HYCC1: variants seen among roughly 807,000 people sequenced by gnomAD.
The protein encoded by HYCC1 is hyccin.
At chr7:22,988,610 T>A in the HYCC1 span, among the ~76,000 whole-genome samples, 38 of 152,322 alleles carry the variant, frequency 2.5e-4, no homozygotes, top group African/African-American at 7.9e-4. Context: ...GATATATGCA[T>A]GCATACATGT....
chr7:22,911,495 C>G, the HYCC1 span, among the ~76,000 whole-genome samples: 1 of 152,290 alleles, frequency 6.6e-6, no homozygotes, highest in African/African-American at 2.4e-5. Context: ...CGCAGTGGCT[C>G]ACGCCTGTAA....
the HYCC1 span, among the ~76,000 whole-genome samples, chr7:22,926,298 C>T: frequency 1.3e-5 from 2 of 151,802 alleles, no homozygotes; most frequent in East Asian, 1.9e-4. Flanking sequence ...AACCAGCTAA[C>T]ATCATAATGA....
chr7:22,935,823 A>G, the HYCC1 span: 3 of 151,114 alleles, frequency 2.0e-5, no homozygotes, highest in Admixed American at 1.3e-4. Context: ...TTTTTTTTGT[A>G]TTTTTAGTAG....
chr7:22,940,531 T>C, the HYCC1 span: 2 of 152,068 alleles, frequency 1.3e-5, no homozygotes, highest in African/African-American at 4.8e-5. Flanking sequence ...GGATTACAGG[T>C]GTGAGCCACC....
the HYCC1 span, chr7:22,964,413 A>C: frequency 6.5e-7 from 1 of 1,529,924 alleles, no homozygotes; most frequent in Non-Finnish European, 9.1e-7. Context: ...TGAGATACTT[A>C]CAAGGCAAAA....
At chr7:22,900,491 A>G in the HYCC1 span, among the ~76,000 whole-genome samples, 1 of 152,246 alleles carries the variant, frequency 6.6e-6, no homozygotes, top group African/African-American at 2.4e-5. Flanking sequence ...ATTTTAGCCA[A>G]TGAGATGTAA....
At chr7:22,967,122 G>A in the HYCC1 span, among the ~76,000 whole-genome samples, 2 of 152,148 alleles carry the variant, frequency 1.3e-5, no homozygotes, top group South Asian at 4.1e-4. Context: ...ATTAAAGATT[G>A]ATACTGTGTC....
At chr7:22,964,580 T>C in the HYCC1 span, 3 of 1,054,938 alleles carry the variant, frequency 2.8e-6, no homozygotes, top group Non-Finnish European at 4.4e-6. Context: ...AAATTTTAGG[T>C]GATTTATTTT....
At chr7:22,963,602 T>G in the HYCC1 span, among the ~76,000 whole-genome samples, 1 of 152,112 alleles carries the variant, frequency 6.6e-6, no homozygotes, top group Non-Finnish European at 1.5e-5. Context: ...GTCAGAAAAT[T>G]TTTTCTTAAT....
At chr7:22,914,484 A>G in the HYCC1 span, among the ~76,000 whole-genome samples, 4 of 151,814 alleles carry the variant, frequency 2.6e-5, no homozygotes, top group Non-Finnish European at 5.9e-5. Flanking sequence ...TTTTTTCTGC[A>G]ACACCACTTG....
At chr7:22,984,820 A>G in the HYCC1 span, among the ~76,000 whole-genome samples, 1 of 152,178 alleles carries the variant, frequency 6.6e-6, no homozygotes, top group Non-Finnish European at 1.5e-5. Flanking sequence ...GCTAGAGAAA[A>G]AGATATCCAC....
At chr7:22,940,290 T>G in the HYCC1 span, 1 of 143,090 alleles carries the variant, frequency 7.0e-6, no homozygotes, top group East Asian at 2.1e-4. Context: ...CTCACTCTGT[T>G]GCCCAGGCTG....
chr7:22,951,152 T>G, the HYCC1 span, among the ~76,000 whole-genome samples: 26 of 152,090 alleles, frequency 1.7e-4, no homozygotes, highest in African/African-American at 6.0e-4. Context: ...TTGCAAATAT[T>G]ATTAAAACTG....
the HYCC1 span, among the ~76,000 whole-genome samples, chr7:22,931,255 GAA>G: frequency 8.2e-4 from 85 of 103,792 alleles, no homozygotes; most frequent in African/African-American, 1.7e-3. Flanking sequence ...CAAAAAAAAA[GAA>G]AAAAAAAAAA....
chr7:22,933,229 T>C, the HYCC1 span, among the ~76,000 whole-genome samples: 3 of 152,310 alleles, frequency 2.0e-5, no homozygotes, highest in South Asian at 6.2e-4. Flanking sequence ...GATAAATCTT[T>C]ATCTTCTACC....
the HYCC1 span, among the ~76,000 whole-genome samples, chr7:22,913,167 C>G: frequency 6.6e-6 from 1 of 151,876 alleles, no homozygotes; most frequent in Non-Finnish European, 1.5e-5. Flanking sequence ...CAGACTAAAC[C>G]TAGTCTCAAA....
At chr7:23,003,996 G>A in the HYCC1 span, among the ~76,000 whole-genome samples, 1 of 152,178 alleles carries the variant, frequency 6.6e-6, no homozygotes, top group African/African-American at 2.4e-5. Flanking sequence ...AGTAACCAAA[G>A]CAGAAATAAA....
At chr7:22,914,510 T>C in the HYCC1 span, among the ~76,000 whole-genome samples, 1 of 152,124 alleles carries the variant, frequency 6.6e-6, no homozygotes, top group Non-Finnish European at 1.5e-5. Context: ...GATACAAACT[T>C]GATAATGGTT....
the HYCC1 span, among the ~76,000 whole-genome samples, chr7:22,919,534 A>G: frequency 6.6e-6 from 1 of 152,202 alleles, no homozygotes; most frequent in African/African-American, 2.4e-5. Context: ...GTCTCAAAAA[A>G]AATTAGTAAA....
Sources: allele counts gnomAD v4.1 joint callset (sites outside exome capture counted in the v4.1 genomes callset), GRCh38; gene constraint gnomAD v4.1.1; transcripts MANE v1.5; gene names NCBI Gene and HGNC (gene_info 2026-07-23, HGNC 2026-07-21).